The following CYP2A13 variants were observed in gnomAD, a reference collection of about 807,000 sequenced individuals.
CYP2A13 encodes the protein cytochrome P450 2A13.
In CYP2A13, 30 loss-of-function variants were observed where a neutral mutation model predicts 39.4. The ratio of observed to expected loss-of-function variants is 0.76; its 90% CI spans 0.57 to 1.03. The LOEUF is 1.03. Among genes scored for constraint, CYP2A13 ranks in the 50% least tolerant of loss-of-function variants. CYP2A13 has a pLI of 0.00. For synonymous variants in CYP2A13, 269 were observed against 254.7 expected, an observed-to-expected ratio of 1.06 and a Z score of -0.54; for missense variants, 731 against 648.4, an observed-to-expected ratio of 1.13 and a Z score of -1.38.
chr19:41,095,656 A>G (rs2031287384), intron 8 of CYP2A13, 104 bp from the exon 9 acceptor site: 6 of 1,454,164 alleles, frequency 4.1e-6, no homozygotes, highest in Admixed American at 2.0e-5. Context: ...TCAGGCCATA[A>G]TATTCCACCC....
Position 41,090,151 on chromosome 19 carries a change from CAGG to C in CYP2A13, c.455_457del (p.Glu152del). ...CAAGCGCGGCATCGAGGAACGCATCCAGGAGGAGGCGGGCTTCCTCATCGACGC... is the reference window on the plus strand; with the variant it reads ...CAAGCGCGGCATCGAGGAACGCATCCAGGAGGCGGGCTTCCTCATCGACGC... On this transcript the variant is annotated inframe_deletion, in exon 3 of 9. Transcript: ENST00000330436. 1 of 1,597,542 alleles carries C rather than the reference CAGG, an allele frequency of 6.3e-7. No homozygotes were observed. Among genetic ancestry groups the C allele is most frequent in the Admixed American group, 1.7e-5 (1 of 58,226 alleles).
chr19:41,090,996 T>C (rs2031177243), intron 4 of CYP2A13, among the ~76,000 whole-genome samples: 1 of 152,190 alleles, frequency 6.6e-6, no homozygotes, highest in African/African-American at 2.4e-5. Flanking sequence ...ATTTCACATC[T>C]ACACAAATGT....
At chr19:41,091,938 G>A (rs2031199646) in intron 5 of CYP2A13, 30 bp downstream of exon 5, 2 of 1,610,684 alleles carry the variant, frequency 1.2e-6, no homozygotes, top group Non-Finnish European at 1.7e-6. Context: ...GCAGGCAGGT[G>A]CAAAGCCAGG....
rs2031167218 is a variant in CYP2A13 at position 41,090,544 on chromosome 19, A to C, written c.634A>C (p.Thr212Pro). The change falls in exon 4 of 9, where the codon ACG becomes CCG. Residue 212 changes from threonine (T) to proline (P), a missense_variant. Physicochemically the swap from Thr to Pro is conservative, Grantham distance 38. Coordinates refer to ENST00000330436, the MANE Select transcript of CYP2A13 (RefSeq NM_000766.5). ...LRMMLGSFQFTATSTGQLYEM... is the reference protein window; with the variant it reads ...LRMMLGSFQFPATSTGQLYEM... ...CATGATGCTGGGAAGCTTCCAGTTC[A>C]CGGCAACCTCCACGGGGCAGGTAAC... 2 of 1,613,914 alleles carry C rather than the reference A, an allele frequency of 1.2e-6. No homozygotes were observed. Among genetic ancestry groups the C allele is most frequent in the East Asian group, 2.2e-5 (1 of 44,888 alleles).
chr19:41,088,476 T>C lies in CYP2A13; in HGVS notation c.5T>C (p.Leu2Pro). ...ATCTATCATCCCACTGCCACCATGC[T>C]GGCCTCAGGGCTGCTTCTGGTGACC... M[L>P]ASGLLLVTLL... Residue 2 changes from leucine to proline, a missense_variant, in exon 1 of 9, where the codon CTG (leucine) becomes CCG (proline). By Grantham distance (98) the Leu-to-Pro change is moderately conservative. Coordinates refer to ENST00000330436, the MANE Select transcript of CYP2A13 (RefSeq NM_000766.5). 6.2e-7 allele frequency: 1 copy of C among 1,613,244 alleles called. No homozygotes were observed. Among genetic ancestry groups the C allele is most frequent in the Non-Finnish European group, 8.5e-7 (1 of 1,179,406 alleles).
rs1303256532 is a variant in CYP2A13, at chr19:41,090,041, C to A, written c.344-6C>A. The A allele has an allele frequency of 1.9e-6, 3 of 1,611,888 alleles. No individual in the cohort carries two copies. Among genetic ancestry groups the A allele is most frequent in the Non-Finnish European group, 2.5e-6 (3 of 1,179,364 alleles). The stretch of plus-strand genomic sequence containing the variant: ...CCTCTCTCCACCCCCGCGTTCACCT[C>A]CCCAGGCGTGGCGTTCAGCAACGGG... On this transcript the variant is annotated splice_region_variant and splice_polypyrimidine_tract_variant and intron_variant, in intron 2 of 8. Transcript: ENST00000330436.
Position 41,095,958 on chromosome 19 carries a change from T to C in CYP2A13, c.*17T>C. ...CCCCGCTGAGCGAGGGCTGTGCTGG[T>C]GCAGGGCTGGTGGGCGGGGCCAGGG... On this transcript the variant is annotated 3_prime_UTR_variant, in exon 9 of 9. Coordinates refer to ENST00000330436, the MANE Select transcript of CYP2A13 (RefSeq NM_000766.5). The C allele has an allele frequency of 7.6e-7, 1 of 1,321,266 alleles. No individual in the cohort carries two copies. The highest frequency in any genetic ancestry group is 4.8e-5 in the East Asian group (1 of 21,040). 81.8% of individuals were successfully genotyped at this position (1,321,266 alleles called of 1,614,324 possible).
chr19:41,091,564 G>A lies in CYP2A13; in HGVS notation c.655-168G>A, dbSNP rs550752538. Among the ~76,000 whole-genome samples the A allele has an allele frequency of 1.1e-4, 17 of 152,204 alleles. No individual in the cohort carries two copies. The South Asian group carries it at 2.1e-3, about 19-fold the overall frequency. Reference sequence around the variant, plus strand: ...ACCGTGGCCCTGGCACCTAATCCACGTGAAAACTTAGATATAAGTTTCCAT... The same window carrying A: ...ACCGTGGCCCTGGCACCTAATCCACATGAAAACTTAGATATAAGTTTCCAT... On this transcript the variant is annotated intron_variant, in intron 4 of 8. Transcript: ENST00000330436.
chr19:41,095,904 T>G lies in CYP2A13; in HGVS notation c.1448T>G (p.Ile483Ser), dbSNP rs775262310. ...VSPKHVGFAT[I>S]PRNYTMSFLP... The stretch of plus-strand genomic sequence containing the variant: ...CCCAAACACGTGGGCTTTGCCACGA[T>G]CCCACGAAACTACACCATGAGCTTC... Residue 483 changes from isoleucine to serine, a missense_variant, in exon 9 of 9, where the codon ATC becomes AGC. Transcript: ENST00000330436. 6.2e-7 allele frequency: 1 copy of G among 1,609,432 alleles called. No homozygotes were observed. The highest frequency in any genetic ancestry group is 8.5e-7 in the Non-Finnish European group (1 of 1,178,320).
In CYP2A13 at chr19:41,090,488, A is replaced by G; in HGVS notation, c.578A>G (p.Tyr193Cys). ...SSIVFGDRFD[Y>C]EDKEFLSLLR... is the part of the protein sequence containing the mutation. ...ATTGTCTTTGGGGACCGCTTTGACT[A>G]TGAGGACAAAGAGTTCCTGTCACTG... is the stretch of plus-strand genomic sequence containing the variant. The change falls in exon 4 of 9, where the codon TAT becomes TGT. Residue 193 changes from tyrosine (Y) to cysteine (C), a missense_variant. Physicochemically the swap from Tyr to Cys is radical, Grantham distance 194. Coordinates refer to ENST00000330436, the MANE Select transcript of CYP2A13 (RefSeq NM_000766.5). 1.9e-6 allele frequency: 3 copies of G among 1,614,160 alleles called. No homozygotes were observed. Among genetic ancestry groups the G allele is most frequent in the South Asian group, 2.2e-5 (2 of 91,088 alleles).
chr19:41,093,800 G>A (rs2031241995), intron 6 of CYP2A13, 29 bp downstream of exon 6: 1 of 1,611,328 alleles, frequency 6.2e-7, no homozygotes, highest in Non-Finnish European at 8.5e-7. Context: ...GAAAGTGAAG[G>A]GCCCCAGACC....
intron 5 of CYP2A13, among the ~76,000 whole-genome samples, chr19:41,092,395 C>T (rs2031212740): frequency 6.6e-6 from 1 of 151,452 alleles, no homozygotes; most frequent in Admixed American, 6.6e-5. Flanking sequence ...ACTGAGCCCT[C>T]ACCCACAAGC....
rs757765881 is a variant in CYP2A13 at position 41,090,006 on chromosome 19, CG to C, written c.344-40del. ...GGAGCTGGTCCGCTCCTGCTCCCGC[CG>C]CCCCCTGACCTCTCTCCACCCCCGC... On this transcript the variant is annotated intron_variant, in intron 2 of 8. Coordinates refer to ENST00000330436, the MANE Select transcript of CYP2A13 (RefSeq NM_000766.5). 7 of 1,568,396 alleles carry C rather than the reference CG, an allele frequency of 4.5e-6. No individual in the cohort carries two copies. In the South Asian group the frequency reaches 8.3e-5, roughly 19 times the overall value.
chr19:41,095,661 C>T (rs2031287439), intron 8 of CYP2A13, 99 bp from the exon 9 acceptor site: 1 of 1,472,128 alleles, frequency 6.8e-7, no homozygotes, highest in Admixed American at 2.0e-5. Flanking sequence ...CCATAATATT[C>T]CACCCCTCCT....
chr19:41,089,176 C>CA, intron 2 of CYP2A13, 85 bp downstream of exon 2: 1 of 1,582,524 alleles, frequency 6.3e-7, no homozygotes, highest in Non-Finnish European at 8.6e-7. Flanking sequence ...CTCTCCTGCC[C>CA]ACTGGAGGCT....
rs2031279532 is a variant in CYP2A13 at position 41,095,244 on chromosome 19, A to G, written c.1303+144A>G. The G allele has an allele frequency of 8.0e-6, 12 of 1,500,318 alleles. No individual in the cohort carries two copies. In the South Asian group the frequency reaches 1.3e-4, roughly 16 times the overall value. The allele number at this position is 1,500,318 out of a possible 1,614,324, so 92.9% of individuals were successfully genotyped here. A position where few individuals can be genotyped will look rare whatever the true frequency, so the allele number is the denominator to read the frequency against. ...TCTACCATTGAGCCGCCACCAGCTGATACTCCCTTAACTGCCAAGCACCCA... is the reference window on the plus strand; with the variant it reads ...TCTACCATTGAGCCGCCACCAGCTGGTACTCCCTTAACTGCCAAGCACCCA... On this transcript the variant is annotated intron_variant, in intron 8 of 8. Transcript: ENST00000330436.
intron 3 of CYP2A13, 21 bp from the exon 4 acceptor site, chr19:41,090,383 C>A: frequency 6.2e-7 from 1 of 1,613,828 alleles, no homozygotes; most frequent in Non-Finnish European, 8.5e-7. Context: ...CCCCAACCCC[C>A]TTCTCCCGCC....
rs751293256 is a variant in CYP2A13 at position 41,090,049 on chromosome 19, G to T, written c.346G>T (p.Val116Leu). The T allele has an allele frequency of 1.2e-5, 20 of 1,611,962 alleles. No individual in the cohort carries two copies. The African/African-American group carries it at 2.4e-4, about 19-fold the overall frequency. Residue 116 changes from valine (V) to leucine (L), a missense_variant and splice_region_variant, in exon 3 of 9, where the codon GTG becomes TTG. Coordinates refer to ENST00000330436, the MANE Select transcript of CYP2A13 (RefSeq NM_000766.5). ...TFDWLFKGYGVAFSNGERAKQ... is the reference protein window; with the variant it reads ...TFDWLFKGYGLAFSNGERAKQ... ...CACCCCCGCGTTCACCTCCCCAGGC[G>T]TGGCGTTCAGCAACGGGGAGCGCGC...
Position 41,088,625 on chromosome 19 carries a change from G to T in CYP2A13, c.154G>T (p.Glu52Ter), listed in dbSNP as rs760245602. Residue 52 changes from glutamate to a stop codon, truncating the protein, a stop_gained, in exon 1 of 9, where the codon GAG (glutamate) becomes TAG (stop). Transcript: ENST00000330436. LOFTEE classifies it high-confidence loss of function. ...FIGNYLQLNTEQMYNSLMKIS... is the reference protein window; with the variant it reads ...FIGNYLQLNT ...TGGAAACTACCTGCAGCTGAACACA[G>T]AGCAGATGTACAACTCCCTCATGAA... 5.6e-6 allele frequency: 9 copies of T among 1,613,876 alleles called. No homozygotes were observed. The South Asian group carries it at 9.9e-5, about 18-fold the overall frequency.
Sources: gnomAD v4.1 joint callset for allele counts (sites outside exome capture counted in the v4.1 genomes callset) on GRCh38, gnomAD v4.1.1 for gene constraint, MANE v1.5 for transcripts, NCBI Gene and HGNC (gene_info 2026-07-23, HGNC 2026-07-21) for gene names.